The following ARHGEF12 variants were observed in gnomAD, a reference collection of about 807,000 sequenced individuals.
The protein encoded by ARHGEF12 is Rho guanine nucleotide exchange factor 12.
ARHGEF12 carries 66 observed loss-of-function variants against 211.2 expected under a neutral mutation model. The ratio of observed to expected loss-of-function variants is 0.31; its 90% CI spans 0.26 to 0.38. The LOEUF is 0.38. ARHGEF12 is among the 10% of genes least tolerant of loss of function. ARHGEF12 has a pLI of 1.00. For synonymous variants in ARHGEF12, 592 were observed against 638.4 expected, an observed-to-expected ratio of 0.93 and a Z score of 1.09; for missense variants, 1,429 against 1,869.5, an observed-to-expected ratio of 0.76 and a Z score of 4.34.
At chr11:120,383,298 C>T (rs1221220313) in intron 1 of ARHGEF12, among the ~76,000 whole-genome samples, 3 of 151,798 alleles carry the variant, frequency 2.0e-5, no homozygotes, top group South Asian at 4.2e-4. Flanking sequence ...CACCAGGGAC[C>T]GGTTTTGTTG....
chr11:120,467,586 G>C (rs1395786244), intron 29 of ARHGEF12, among the ~76,000 whole-genome samples: 1 of 150,392 alleles, frequency 6.6e-6, no homozygotes. Flanking sequence ...GGGACTACAG[G>C]GGTACACCAC....
intron 1 of ARHGEF12, among the ~76,000 whole-genome samples, chr11:120,369,340 G>A (rs1355664267): frequency 6.6e-6 from 1 of 152,080 alleles, no homozygotes; most frequent in African/African-American, 2.4e-5. Context: ...TGTTGGCCAG[G>A]CTGGTCTTGA....
chr11:120,458,211 T>C lies in ARHGEF12; in HGVS notation c.2357T>C (p.Ile786Thr). Reference protein sequence around the residue: ...EVLLGLKPCEIKRQEVINELF... With the variant: ...EVLLGLKPCETKRQEVINELF... ...TTACTGGGACTAAAACCTTGTGAAA[T>C]CAAAAGACAGGAAGTGATTAATGGT... Residue 786 changes from isoleucine to threonine, a missense_variant, in exon 25 of 41, where the codon ATC (isoleucine) becomes ACC (threonine). This residue lies in a region of ARHGEF12 where 223 missense variants were observed against 444.6 expected (regional missense o/e 0.50). Transcript: ENST00000397843. 6.2e-7 allele frequency: 1 copy of C among 1,613,724 alleles called. No homozygotes were observed. Among genetic ancestry groups the C allele is most frequent in the Non-Finnish European group, 8.5e-7 (1 of 1,179,792 alleles).
intron 4 of ARHGEF12, among the ~76,000 whole-genome samples, chr11:120,420,373 C>T (rs1945149514): frequency 6.6e-6 from 1 of 152,040 alleles, no homozygotes; most frequent in Admixed American, 6.6e-5. Flanking sequence ...GGTTAAACAC[C>T]AATTAGGGTA....
intron 4 of ARHGEF12, among the ~76,000 whole-genome samples, chr11:120,414,010 A>G (rs1328075884): frequency 6.6e-6 from 1 of 151,532 alleles, no homozygotes; most frequent in Middle Eastern, 3.4e-3. Flanking sequence ...TTTTTTTTTC[A>G]CTTTCAAAAT....
chr11:120,431,275 G>A (rs1277467869), intron 10 of ARHGEF12, among the ~76,000 whole-genome samples: 1 of 152,066 alleles, frequency 6.6e-6, no homozygotes, highest in Admixed American at 6.6e-5. Flanking sequence ...GGGTGACAGA[G>A]CAAGACTCCA....
At chr11:120,405,206 C>G (rs1400917545) in intron 1 of ARHGEF12, among the ~76,000 whole-genome samples, 1 of 151,626 alleles carries the variant, frequency 6.6e-6, no homozygotes, top group Non-Finnish European at 1.5e-5. Context: ...TTTTTAAAAC[C>G]CTAGTTTTAC....
intron 28 of ARHGEF12, among the ~76,000 whole-genome samples, chr11:120,466,631 G>A (rs1197631975): frequency 6.6e-6 from 1 of 152,154 alleles, no homozygotes; most frequent in African/African-American, 2.4e-5. Context: ...CCATATTAGA[G>A]TTCTTTACTA....
intron 1 of ARHGEF12, among the ~76,000 whole-genome samples, chr11:120,389,290 C>T (rs1379425476): frequency 6.6e-6 from 1 of 152,090 alleles, no homozygotes; most frequent in Admixed American, 6.6e-5. Context: ...TTCACATTTC[C>T]TTGAGCAAAA....
chr11:120,463,528 A>G (rs1209695700), intron 27 of ARHGEF12: 1 of 97,546 alleles, frequency 1.0e-5, no homozygotes, highest in Non-Finnish European at 2.4e-5. Flanking sequence ...TCAGTCTCAA[A>G]AAAAAAAAAA....
intron 7 of ARHGEF12, among the ~76,000 whole-genome samples, chr11:120,427,670 TA>T (rs373197231): frequency 1.8e-3 from 250 of 142,110 alleles, no homozygotes; most frequent in African/African-American, 2.3e-3. Context: ...AGACCCTAAT[TA>T]AAAAAAAAAA....
In ARHGEF12 at chr11:120,440,299, T is replaced by C. The variant is rs191540962; in HGVS notation, c.1092+78T>C. The C allele has an allele frequency of 3.9e-5, 45 of 1,168,048 alleles. No individual in the cohort carries two copies. The Admixed American group carries it at 7.8e-4, about 20-fold the overall frequency. 72.4% of individuals were successfully genotyped at this position (1,168,048 alleles called of 1,614,324 possible). On this transcript the variant is annotated intron_variant, in intron 13 of 40. Coordinates refer to ENST00000397843, the MANE Select transcript of ARHGEF12 (RefSeq NM_015313.3). ...ATTTGTTGCAAAAATGAGCACGTTC[T>C]GGAGATTAAGATAACATTTGTAAGG...
chr11:120,364,232 T>A (rs1053576088), intron 1 of ARHGEF12, among the ~76,000 whole-genome samples: 1 of 152,114 alleles, frequency 6.6e-6, no homozygotes, highest in Non-Finnish European at 1.5e-5. Context: ...CAAAAAAAAA[T>A]TTAGAAAAAT....
At chr11:120,399,331 A>AAAAAAAAAAAAAAAAAAAAAG in intron 1 of ARHGEF12, among the ~76,000 whole-genome samples, 2 of 137,668 alleles carry the variant, frequency 1.5e-5, no homozygotes, top group Non-Finnish European at 3.1e-5. Context: ...CAAAAAAAAA[A>AAAAAAAAAAAAAAAAAAAAAG]AAAAAAAAAA....
In ARHGEF12 at chr11:120,449,164, C is replaced by A; in HGVS notation, c.1793C>A (p.Pro598His). Residue 598 changes from proline (P) to histidine (H), a missense_variant, in exon 21 of 41, where the codon CCC (proline) becomes CAC (histidine). By Grantham distance (77) the Pro-to-His change is moderately conservative. Around this residue, in one of 7 missense-constraint regions of ARHGEF12, gnomAD observed 373 missense variants for 467.5 expected, o/e 0.80. Coordinates refer to ENST00000397843, the MANE Select transcript of ARHGEF12 (RefSeq NM_015313.3). ...GEEKGKRRGF[P>H]SILGPPRRPS... ...GAAAAAGGGAAGCGAAGAGGATTCC[C>A]CAGCATCCTGGGACCCCCACGGAGA... 6.2e-7 allele frequency: 1 copy of A among 1,614,116 alleles called. No individual in the cohort carries two copies. Among genetic ancestry groups the A allele is most frequent in the Non-Finnish European group, 8.5e-7 (1 of 1,179,994 alleles).
At chr11:120,359,669 TTGAAGAAACTTGAA>T (rs1943227826) in intron 1 of ARHGEF12, among the ~76,000 whole-genome samples, 1 of 152,222 alleles carries the variant, frequency 6.6e-6, no homozygotes, top group Admixed American at 6.5e-5. Flanking sequence ...GTGATGGTAG[TTGAAGAAACTTGAA>T]TAGGTGTAGA....
At chr11:120,422,627 A>G (rs1245768160) in intron 6 of ARHGEF12, among the ~76,000 whole-genome samples, 2 of 152,192 alleles carry the variant, frequency 1.3e-5, no homozygotes, top group East Asian at 1.9e-4. Context: ...CCAAACTTCA[A>G]AAAAATCCAA....
intron 12 of ARHGEF12, chr11:120,439,584 T>C (rs1945804363): frequency 6.6e-6 from 1 of 152,164 alleles, no homozygotes; most frequent in South Asian, 2.1e-4. Context: ...AAACATAGAG[T>C]TCGATGATAG....
chr11:120,403,060 A>G (rs769505874), intron 1 of ARHGEF12, among the ~76,000 whole-genome samples: 79 of 152,326 alleles, frequency 5.2e-4, no homozygotes, highest in Non-Finnish European at 5.9e-4. Flanking sequence ...CACTGTAATA[A>G]CACATCGGGA....
Sources: gnomAD v4.1 joint callset for allele counts (sites outside exome capture counted in the v4.1 genomes callset) on GRCh38, gnomAD v4.1.1 for gene constraint, gnomAD v4.1.1 regional missense constraint, MANE v1.5 for transcripts, NCBI Gene and HGNC (gene_info 2026-07-23, HGNC 2026-07-21) for gene names.